ROBO1: variants seen among roughly 807,000 people sequenced by gnomAD.
The protein encoded by ROBO1 is roundabout homolog 1.
Under a neutral mutation model 195.9 loss-of-function variants are expected in ROBO1, and 149 were observed. The ratio of observed to expected loss-of-function variants is 0.76; its 90% CI spans 0.67 to 0.87. The LOEUF is 0.87. ROBO1 is among the 40% of genes least tolerant of loss of function. ROBO1 has a pLI of 0.00. For synonymous variants in ROBO1, 816 were observed against 733.2 expected (o/e 1.11, Z -1.82); for missense variants, 1,933 against 2,068.3 (o/e 0.93, Z 1.27).
chr3:79,681,195 T>C (rs1351413382), intron 1 of ROBO1, among the ~76,000 whole-genome samples: 1 of 152,048 alleles, frequency 6.6e-6, no homozygotes, highest in Non-Finnish European at 1.5e-5. Context: ...GGTAGCTGTA[T>C]GAAAACATGT....
chr3:79,055,767 G>A (rs2108382744), intron 3 of ROBO1, among the ~76,000 whole-genome samples: 1 of 152,190 alleles, frequency 6.6e-6, no homozygotes, highest in South Asian at 2.1e-4. Context: ...AAGAAGACAG[G>A]GCTGGTTTAG....
At chr3:79,252,907 T>C (rs756039553) in intron 2 of ROBO1, among the ~76,000 whole-genome samples, 3 of 152,156 alleles carry the variant, frequency 2.0e-5, no homozygotes, top group Non-Finnish European at 2.9e-5. Flanking sequence ...ATAGATGTCT[T>C]GCATTAAATT....
At chr3:79,474,677 T>A (rs1938456314) in intron 2 of ROBO1, among the ~76,000 whole-genome samples, 1 of 152,068 alleles carries the variant, frequency 6.6e-6, no homozygotes. Flanking sequence ...AAATTATTTT[T>A]GAAAAAAAGA....
intron 4 of ROBO1, among the ~76,000 whole-genome samples, chr3:78,921,997 G>T (rs1479992060): frequency 6.6e-6 from 1 of 151,890 alleles, no homozygotes; most frequent in African/African-American, 2.4e-5. Flanking sequence ...ATTAATAAGA[G>T]AAAATTTCTC....
intron 4 of ROBO1, among the ~76,000 whole-genome samples, chr3:78,889,775 G>A (rs552232519): frequency 8.7e-5 from 13 of 149,822 alleles, no homozygotes; most frequent in Admixed American, 4.7e-4. Context: ...TTAGAAGTAC[G>A]TGAAACTTAA....
intron 4 of ROBO1, among the ~76,000 whole-genome samples, chr3:78,785,929 A>G (rs554078556): frequency 1.3e-5 from 2 of 152,230 alleles, no homozygotes; most frequent in African/African-American, 4.8e-5. Flanking sequence ...GTATTTTAAC[A>G]GGTGAATTTG....
chr3:78,668,658 T>C (rs565014500), intron 11 of ROBO1, 93 bp from the exon 12 acceptor site: 22 of 1,031,492 alleles, frequency 2.1e-5, no homozygotes, highest in South Asian at 2.0e-4. Context: ...TCCATGAATA[T>C]GGATAACTGC....
At chr3:79,743,791 G>A (rs529640658) in intron 1 of ROBO1, among the ~76,000 whole-genome samples, 58 of 152,002 alleles carry the variant, frequency 3.8e-4, no homozygotes, top group African/African-American at 1.4e-3. Context: ...ACACACATTA[G>A]CCTGGATCCA....
At chr3:79,265,993 C>T (rs924047153) in intron 2 of ROBO1, among the ~76,000 whole-genome samples, 1 of 151,340 alleles carries the variant, frequency 6.6e-6, no homozygotes, top group African/African-American at 2.4e-5. Context: ...TAATGAGTAA[C>T]AAACATTAGT....
intron 2 of ROBO1, among the ~76,000 whole-genome samples, chr3:79,516,395 G>A (rs1940944976): frequency 1.3e-5 from 2 of 151,868 alleles, no homozygotes; most frequent in South Asian, 2.1e-4. Flanking sequence ...TGAAAAGGAA[G>A]CATATATAAT....
chr3:79,320,318 C>A (rs756874939), intron 2 of ROBO1, among the ~76,000 whole-genome samples: 40 of 152,110 alleles, frequency 2.6e-4, no homozygotes, highest in Non-Finnish European at 5.1e-4. Context: ...CATCGCTTCC[C>A]AAAGGCCCCG....
rs555163382 is a variant in ROBO1 at position 78,916,760 on chromosome 3, G to C, written c.499+21841C>G. 1.8e-4 allele frequency among the ~76,000 whole-genome samples: 28 copies of C among 152,146 alleles called. No homozygotes were observed. In the East Asian group the frequency reaches 4.1e-3, roughly 22 times the overall value. On this transcript the variant is annotated intron_variant, in intron 4 of 30. Coordinates refer to ENST00000464233, the MANE Select transcript of ROBO1 (RefSeq NM_002941.4). ...AGTCTGGTTAAATAATGTAGTTTCTGGAAATTACTATCTAGCTTAGTTCAC... is the reference window on the plus strand; with the variant it reads ...AGTCTGGTTAAATAATGTAGTTTCTCGAAATTACTATCTAGCTTAGTTCAC...
intron 2 of ROBO1, among the ~76,000 whole-genome samples, chr3:79,531,061 G>A (rs1243590255): frequency 2.0e-5 from 3 of 151,900 alleles, no homozygotes; most frequent in African/African-American, 7.3e-5. Context: ...ATTTCTCCTG[G>A]AAACCCTTCC....
At chr3:79,584,639 A>G (rs1209768582) in intron 2 of ROBO1, among the ~76,000 whole-genome samples, 13 of 126,740 alleles carry the variant, frequency 1.0e-4, no homozygotes, top group South Asian at 2.5e-4. Flanking sequence ...GTGTGTGTGT[A>G]TGTTCATACA....
At chr3:79,222,080 CCTCT>C (rs1414033359) in intron 2 of ROBO1, among the ~76,000 whole-genome samples, 8 of 151,986 alleles carry the variant, frequency 5.3e-5, no homozygotes, top group African/African-American at 1.7e-4. Context: ...TGATTTTCTG[CCTCT>C]CTTACAGATT....
chr3:79,072,806 T>A (rs968389136), intron 3 of ROBO1, among the ~76,000 whole-genome samples: 3 of 151,924 alleles, frequency 2.0e-5, no homozygotes, highest in Non-Finnish European at 4.4e-5. Context: ...TTGTATTAAT[T>A]TTCTCTCCCA....
chr3:78,870,670 T>C (rs1317416273), intron 4 of ROBO1, among the ~76,000 whole-genome samples: 1 of 152,160 alleles, frequency 6.6e-6, no homozygotes, highest in Non-Finnish European at 1.5e-5. Flanking sequence ...GCTGAGCCCA[T>C]CATCAATGGC....
chr3:79,564,219 T>C (rs1943018529), intron 2 of ROBO1, among the ~76,000 whole-genome samples: 1 of 152,106 alleles, frequency 6.6e-6, no homozygotes, highest in Non-Finnish European at 1.5e-5. Context: ...AGCATACTTC[T>C]AGTGGAACTC....
chr3:78,840,553 G>A (rs72896415), intron 4 of ROBO1, among the ~76,000 whole-genome samples: 5,299 of 152,114 alleles, frequency 0.035, 304 homozygotes, highest in African/African-American at 0.12. Context: ...GCAAGAGGTC[G>A]CATTTGCAAG....
Sources: allele counts gnomAD v4.1 joint callset (sites outside exome capture counted in the v4.1 genomes callset), GRCh38; gene constraint gnomAD v4.1.1; transcripts MANE v1.5; gene names NCBI Gene and HGNC (gene_info 2026-07-23, HGNC 2026-07-21).